The following NELL1 variants were observed in gnomAD, a reference collection of about 807,000 sequenced individuals.
The protein encoded by NELL1 is neural EGFL like 1, also known as protein kinase C-binding protein NELL1.
Under a neutral mutation model 107.4 loss-of-function variants are expected in NELL1, and 76 were observed. The ratio of observed to expected loss-of-function variants is 0.71; its 90% CI spans 0.59 to 0.86. NELL1 has a LOEUF of 0.86. Among genes scored for constraint, NELL1 ranks in the 40% least tolerant of loss-of-function variants. The probability of loss-of-function intolerance (pLI) is 0.00; values close to 1 mark genes in which losing one functional copy is unlikely to be tolerated. For synonymous variants in NELL1, 353 were observed against 341.2 expected, an observed-to-expected ratio of 1.03 and a Z score of -0.38; for missense variants, 1,024 against 1,005.5, an observed-to-expected ratio of 1.02 and a Z score of -0.25.
chr11:21,014,685 C>A (rs902778321), intron 12 of NELL1, among the ~76,000 whole-genome samples: 3 of 151,934 alleles, frequency 2.0e-5, no homozygotes, highest in African/African-American at 7.3e-5. Flanking sequence ...ATTTGTAAAC[C>A]CAGTGTCTAA....
At chr11:21,571,049 C>A (rs1327959605) in intron 18 of NELL1, 109 bp downstream of exon 18, 2 of 939,970 alleles carry the variant, frequency 2.1e-6, no homozygotes, top group Non-Finnish European at 3.2e-6. Flanking sequence ...ATACAGGGAG[C>A]TCTGTGGGGC....
chr11:20,733,904 A>T (rs1321385611), intron 2 of NELL1, among the ~76,000 whole-genome samples: 1 of 152,158 alleles, frequency 6.6e-6, no homozygotes, highest in Non-Finnish European at 1.5e-5. Context: ...ACAGTCAATT[A>T]ACCAGTAGAC....
intron 12 of NELL1, among the ~76,000 whole-genome samples, chr11:21,003,045 G>A (rs904478155): frequency 1.3e-5 from 2 of 152,008 alleles, no homozygotes; most frequent in East Asian, 1.9e-4. Flanking sequence ...ATTTTTAAAT[G>A]TGCGATCTCT....
intron 16 of NELL1, among the ~76,000 whole-genome samples, chr11:21,553,539 T>C (rs1314037745): frequency 6.6e-6 from 1 of 151,820 alleles, no homozygotes; most frequent in Admixed American, 6.6e-5. Context: ...AGGTGAAAAG[T>C]AATCATATCA....
intron 5 of NELL1, among the ~76,000 whole-genome samples, chr11:20,909,187 G>A (rs1330626139): frequency 1.3e-5 from 2 of 152,174 alleles, no homozygotes; most frequent in African/African-American, 4.8e-5. Flanking sequence ...GGAGTCATGG[G>A]AGTTATTGCT....
At chr11:21,502,069 G>T (rs1205017739) in intron 15 of NELL1, among the ~76,000 whole-genome samples, 2 of 152,112 alleles carry the variant, frequency 1.3e-5, no homozygotes, top group Non-Finnish European at 2.9e-5. Context: ...AAATCCTAGT[G>T]ACCTCTGAAG....
At chr11:20,932,079 G>A (rs960324866) in intron 9 of NELL1, among the ~76,000 whole-genome samples, 1 of 152,078 alleles carries the variant, frequency 6.6e-6, no homozygotes, top group African/African-American at 2.4e-5. Context: ...TGGCGGTACC[G>A]AAAATAGTGA....
chr11:21,026,629 T>C (rs1447116447), intron 12 of NELL1, among the ~76,000 whole-genome samples: 1 of 152,178 alleles, frequency 6.6e-6, no homozygotes, highest in African/African-American at 2.4e-5. Flanking sequence ...CTATAGAACA[T>C]TGCCTGGAAT....
intron 12 of NELL1, among the ~76,000 whole-genome samples, chr11:20,973,714 C>T (rs750392420): frequency 3.3e-5 from 5 of 152,176 alleles, no homozygotes; most frequent in Non-Finnish European, 5.9e-5. Flanking sequence ...TATAAGAAAC[C>T]TCGTGTCCTC....
intron 15 of NELL1, among the ~76,000 whole-genome samples, chr11:21,435,915 G>C (rs916043140): frequency 3.3e-5 from 5 of 152,038 alleles, no homozygotes; most frequent in Non-Finnish European, 7.4e-5. Context: ...AAGAAAAATT[G>C]TGTTAATTCA....
In NELL1 at chr11:21,282,371, C is replaced by T. The variant is rs1054332189; in HGVS notation, c.1549+52917C>T. On this transcript the variant is annotated intron_variant, in intron 14 of 19. Transcript: ENST00000357134. ...ATTTTTGTGGTTTTAATAGAAACAGCGTTTAGGCTGAGGCACGGGAATCGC... is the reference window on the plus strand; with the variant it reads ...ATTTTTGTGGTTTTAATAGAAACAGTGTTTAGGCTGAGGCACGGGAATCGC... Among the ~76,000 whole-genome samples the T allele has an allele frequency of 2.0e-5, 3 of 149,252 alleles. No individual in the cohort carries two copies. In the Admixed American group the frequency reaches 2.0e-4, roughly 10 times the overall value.
At position 21,206,635 on chromosome 11, in the gene NELL1, G is replaced by T. The variant is rs548734016; in HGVS notation, c.1427-22697G>T. 3.3e-5 allele frequency among the ~76,000 whole-genome samples: 5 copies of T among 152,208 alleles called. No homozygotes were observed. The South Asian group carries it at 1.0e-3, about 32-fold the overall frequency. ...TTTCTTTGGAATCTCATAGTTGACTGAGCCTCAAAGCATCTGGACAGGGAG... is the reference window on the plus strand; with the variant it reads ...TTTCTTTGGAATCTCATAGTTGACTTAGCCTCAAAGCATCTGGACAGGGAG... On this transcript the variant is annotated intron_variant, in intron 13 of 19. Transcript: ENST00000357134.
At chr11:21,184,349 A>C (rs1226461346) in intron 13 of NELL1, among the ~76,000 whole-genome samples, 1 of 151,320 alleles carries the variant, frequency 6.6e-6, no homozygotes, top group Admixed American at 6.6e-5. Flanking sequence ...GCTCACTGCA[A>C]CCTCCGCCTC....
chr11:21,479,618 A>G (rs1212174982), intron 15 of NELL1, among the ~76,000 whole-genome samples: 3 of 152,196 alleles, frequency 2.0e-5, no homozygotes, highest in Admixed American at 6.5e-5. Flanking sequence ...CTATAATTTG[A>G]TAGCATAAAA....
chr11:20,842,328 A>G lies in NELL1; in HGVS notation c.336-5255A>G, dbSNP rs12807279. ...GGGAGGTGGAGGTTGCAGTGAGCCA[A>G]GATGGTGCCACTACAGCCTGGGCAA... On this transcript the variant is annotated intron_variant, in intron 3 of 19. Coordinates refer to ENST00000357134, the MANE Select transcript of NELL1 (RefSeq NM_006157.5). Among the ~76,000 whole-genome samples, 545 of 152,002 alleles carry G rather than the reference A, an allele frequency of 3.6e-3. 2 individuals carry two copies. The highest frequency in any genetic ancestry group is 5.8e-3 in the Non-Finnish European group (392 of 67,968).
At chr11:20,819,181 G>A (rs539665609) in intron 3 of NELL1, among the ~76,000 whole-genome samples, 25 of 152,248 alleles carry the variant, frequency 1.6e-4, no homozygotes, top group African/African-American at 5.3e-4. Flanking sequence ...TTGACCTAGC[G>A]TGCTAACAAA....
chr11:20,778,497 ACTT>A (rs1856791340), intron 2 of NELL1, among the ~76,000 whole-genome samples: 29 of 92,746 alleles, frequency 3.1e-4, no homozygotes, highest in Admixed American at 1.7e-3. Context: ...TTCACCCAGC[ACTT>A]TTTTTTTTTT....
At chr11:21,474,925 C>A (rs7924425) in intron 15 of NELL1, among the ~76,000 whole-genome samples, 150,681 of 152,230 alleles carry the variant, frequency 0.99, 74,592 homozygotes, top group Middle Eastern at 1. Flanking sequence ...GTTATTTGAC[C>A]AAGCTTTTGT....
rs1372901452 is a variant in NELL1, at chr11:21,381,871, G to A, written c.1645+10923G>A. 2.7e-5 allele frequency among the ~76,000 whole-genome samples: 4 copies of A among 147,916 alleles called. No individual in the cohort carries two copies. In the East Asian group the frequency reaches 6.1e-4, roughly 23 times the overall value. On this transcript the variant is annotated intron_variant, in intron 15 of 19. Coordinates refer to ENST00000357134, the MANE Select transcript of NELL1 (RefSeq NM_006157.5). ...AGCTGATTCAGCACCTGGAATAGTG[G>A]CATGTTTAACTTGGGTATGGTCCCT... is the stretch of plus-strand genomic sequence containing the variant.
Sources: allele counts gnomAD v4.1 joint callset (sites outside exome capture counted in the v4.1 genomes callset), GRCh38; gene constraint gnomAD v4.1.1; transcripts MANE v1.5; gene names NCBI Gene and HGNC (gene_info 2026-07-23, HGNC 2026-07-21).